Variants in GALNT14 observed in about 807,000 individuals in gnomAD.
The protein encoded by GALNT14 is UDP-GalNAc:polypeptide N-acetylgalactosaminyltransferase 14.
A neutral mutation model predicts 77.5 loss-of-function variants in GALNT14; 60 were observed. The ratio of observed to expected loss-of-function variants is 0.77; its 90% confidence interval spans 0.63 to 0.96. GALNT14 has a LOEUF of 0.96. Ranked by LOEUF, GALNT14 falls within the 40% of genes least tolerant of loss-of-function variation. GALNT14 has a pLI of 0.00. For missense variants in GALNT14, 710 were observed against 731.0 expected (o/e 0.97, Z 0.33); for synonymous variants, 280 against 281.7 (o/e 0.99, Z 0.06).
intron 3 of GALNT14, among the ~76,000 whole-genome samples, chr2:30,960,674 C>T (rs1667641340): frequency 6.6e-6 from 1 of 152,068 alleles, no homozygotes; most frequent in Non-Finnish European, 1.5e-5. Context: ...AGGTCAAGTC[C>T]AGTCCAAGGG....
chr2:31,126,696 T>G (rs189026706), intron 1 of GALNT14: 1 of 152,166 alleles, frequency 6.6e-6, no homozygotes, highest in Admixed American at 6.5e-5. Context: ...TACCTATAAC[T>G]CTAGGTAGAC....
chr2:31,076,985 T>G (rs978052989), intron 1 of GALNT14, among the ~76,000 whole-genome samples: 4 of 152,234 alleles, frequency 2.6e-5, no homozygotes, highest in Non-Finnish European at 2.9e-5. Context: ...ACAACAGCAC[T>G]GATTGTAGAT....
chr2:31,059,790 C>T (rs1288140766), intron 1 of GALNT14, among the ~76,000 whole-genome samples: 1 of 152,244 alleles, frequency 6.6e-6, no homozygotes, highest in Non-Finnish European at 1.5e-5. Flanking sequence ...CAAGAAGGCT[C>T]TGTGTATGAG....
At chr2:31,000,810 G>A (rs1301252014) in intron 1 of GALNT14, among the ~76,000 whole-genome samples, 1 of 152,116 alleles carries the variant, frequency 6.6e-6, no homozygotes, top group African/African-American at 2.4e-5. Context: ...CAAATATCTG[G>A]ACATTGTGGT....
intron 1 of GALNT14, among the ~76,000 whole-genome samples, chr2:31,073,561 G>T (rs1159035708): frequency 6.6e-6 from 1 of 152,146 alleles, no homozygotes; most frequent in East Asian, 1.9e-4. Flanking sequence ...GCTTCCTGGA[G>T]GGAAAACAAC....
chr2:31,049,999 A>T (rs1158212209), intron 1 of GALNT14, among the ~76,000 whole-genome samples: 1 of 152,110 alleles, frequency 6.6e-6, no homozygotes, highest in East Asian at 1.9e-4. Context: ...AATAAATACA[A>T]TGGGCAGCGA....
intron 1 of GALNT14, among the ~76,000 whole-genome samples, chr2:31,066,462 C>G (rs555805935): frequency 6.6e-6 from 1 of 151,888 alleles, no homozygotes; most frequent in Non-Finnish European, 1.5e-5. Context: ...TGGGTTTGCT[C>G]GTGAAAAAGA....
chr2:31,060,639 G>A (rs527785112), intron 1 of GALNT14, among the ~76,000 whole-genome samples: 38 of 152,272 alleles, frequency 2.5e-4, no homozygotes, highest in South Asian at 8.3e-4. Flanking sequence ...ATCGGCTAGC[G>A]GCTGTCAACA....
At chr2:30,940,820 T>A (rs1012617973) in intron 9 of GALNT14, among the ~76,000 whole-genome samples, 1 of 152,126 alleles carries the variant, frequency 6.6e-6, no homozygotes, top group African/African-American at 2.4e-5. Flanking sequence ...AAGGCCTTCA[T>A]GGGCTGGGTC....
At chr2:30,907,174 T>A (rs915726584), downstream of GALNT14, among the ~76,000 whole-genome samples, 1 of 151,738 alleles carries the variant, frequency 6.6e-6, no homozygotes. Flanking sequence ...ACAAACACAT[T>A]CAAAAGCTAG....
chr2:31,082,173 G>A (rs182470655), intron 1 of GALNT14, among the ~76,000 whole-genome samples: 1 of 152,330 alleles, frequency 6.6e-6, no homozygotes, highest in Non-Finnish European at 1.5e-5. Context: ...AGAGTCCTGG[G>A]ACAGTCAGTG....
intron 1 of GALNT14, among the ~76,000 whole-genome samples, chr2:31,031,071 C>A (rs573165973): frequency 6.6e-6 from 1 of 152,152 alleles, no homozygotes; most frequent in East Asian, 1.9e-4. Context: ...ATATGAGAAT[C>A]GGGTTTCCTG....
the GALNT14 span, among the ~76,000 whole-genome samples, chr2:30,905,039 T>C: frequency 6.6e-6 from 1 of 152,124 alleles, no homozygotes; most frequent in African/African-American, 2.4e-5. Flanking sequence ...AGAAAGGACA[T>C]CCACACCAAA....
chr2:31,060,237 C>T (rs1674505405), intron 1 of GALNT14, among the ~76,000 whole-genome samples: 1 of 152,130 alleles, frequency 6.6e-6, no homozygotes, highest in Admixed American at 6.5e-5. Context: ...TGAGCAGAAT[C>T]TATTGTGACC....
At chr2:31,075,447 T>A (rs1675709102) in intron 1 of GALNT14, among the ~76,000 whole-genome samples, 1 of 152,212 alleles carries the variant, frequency 6.6e-6, no homozygotes, top group South Asian at 2.1e-4. Context: ...GTTTGTTGAT[T>A]GATCTGGAAG....
chr2:31,114,652 C>T, intron 1 of GALNT14: 1 of 654,436 alleles, frequency 1.5e-6, no homozygotes, highest in Non-Finnish European at 2.8e-6. Context: ...ACTCTAAAAA[C>T]CCAGCTTGTG....
intron 1 of GALNT14, among the ~76,000 whole-genome samples, chr2:31,086,546 C>T (rs541610077): frequency 4.3e-4 from 65 of 151,636 alleles, no homozygotes; most frequent in Non-Finnish European, 7.5e-4. Flanking sequence ...AGCAGTTTTT[C>T]AGCCTTTCAG....
chr2:30,937,492 T>C (rs1666124484), intron 9 of GALNT14, among the ~76,000 whole-genome samples: 1 of 152,182 alleles, frequency 6.6e-6, no homozygotes, highest in Middle Eastern at 3.2e-3. Flanking sequence ...GAACTCAGTT[T>C]TCCTTGGAGT....
rs546301573 is a variant in GALNT14, at chr2:31,137,422, G to A, written c.129+536C>T. Among the ~76,000 whole-genome samples, 207 of 152,358 alleles carry A rather than the reference G, an allele frequency of 1.4e-3. 1 individual carries two copies. The highest frequency in any genetic ancestry group is 1.5e-3 in the Non-Finnish European group (104 of 68,026). ...CATTCAACTTCCAATGCAGCTGAGAGGGTCGGGAACAGTTAGAGAACAGGG... is the reference window on the plus strand; with the variant it reads ...CATTCAACTTCCAATGCAGCTGAGAAGGTCGGGAACAGTTAGAGAACAGGG... On this transcript the variant is annotated intron_variant, in intron 1 of 14. Coordinates refer to ENST00000349752, the MANE Select transcript of GALNT14 (RefSeq NM_024572.4).
Sources: gnomAD v4.1 joint callset for allele counts (sites outside exome capture counted in the v4.1 genomes callset) on GRCh38, gnomAD v4.1.1 for gene constraint, MANE v1.5 for transcripts, NCBI Gene and HGNC (gene_info 2026-07-23, HGNC 2026-07-21) for gene names.